FNIP2: variants seen among roughly 807,000 people sequenced by gnomAD.
FNIP2 encodes the protein folliculin-interacting protein 2.
In FNIP2, 32 loss-of-function variants were observed where a neutral mutation model predicts 108.7. The observed-to-expected ratio is 0.29, with a 90% CI of 0.22 to 0.40. The LOEUF (loss-of-function observed/expected upper bound fraction) is 0.40. FNIP2 is among the 10% of genes least tolerant of loss of function. FNIP2 has a pLI of 1.00. For synonymous variants in FNIP2, 480 were observed against 496.7 expected, an observed-to-expected ratio of 0.97 and a Z score of 0.45; for missense variants, 1,202 against 1,381.6, an observed-to-expected ratio of 0.87 and a Z score of 2.06.
chr4:158,840,382 A>G (rs1779056281), intron 7 of FNIP2, among the ~76,000 whole-genome samples: 1 of 152,030 alleles, frequency 6.6e-6, no homozygotes, highest in South Asian at 2.1e-4. Context: ...AGTAGAAGCT[A>G]AAATTTGTTT....
At chr4:158,816,334 A>G (rs1578857041) in intron 1 of FNIP2, among the ~76,000 whole-genome samples, 3 of 152,272 alleles carry the variant, frequency 2.0e-5, no homozygotes, top group Admixed American at 2.0e-4. Context: ...TCCGTTGTCT[A>G]TTATTAGTAT....
chr4:158,898,013 T>C (rs913607281), intron 16 of FNIP2, among the ~76,000 whole-genome samples: 1 of 152,238 alleles, frequency 6.6e-6, no homozygotes, highest in African/African-American at 2.4e-5. Context: ...TTAATTTTTG[T>C]AAAAGGTGTA....
At chr4:158,876,064 T>C (rs941803971) in intron 14 of FNIP2, among the ~76,000 whole-genome samples, 6 of 152,232 alleles carry the variant, frequency 3.9e-5, no homozygotes, top group African/African-American at 1.4e-4. Context: ...CATATAAGCA[T>C]GTATGCCAGG....
At chr4:158,858,668 A>G (rs142307189) in intron 8 of FNIP2, among the ~76,000 whole-genome samples, 4 of 152,322 alleles carry the variant, frequency 2.6e-5, no homozygotes, top group East Asian at 3.9e-4. Flanking sequence ...CTCTTGTTCA[A>G]TAGAATACCA....
At chr4:158,831,284 G>T (rs1055372543) in intron 3 of FNIP2, among the ~76,000 whole-genome samples, 1 of 152,180 alleles carries the variant, frequency 6.6e-6, no homozygotes, top group Non-Finnish European at 1.5e-5. Context: ...GAGGCAGGCA[G>T]TCCACTCTTT....
intron 1 of FNIP2, among the ~76,000 whole-genome samples, chr4:158,803,107 A>T (rs1776815796): frequency 1.3e-5 from 2 of 152,308 alleles, no homozygotes; most frequent in South Asian, 4.1e-4. Context: ...GTTCCAGTCA[A>T]CAACCTATTG....
chr4:158,875,422 C>A (rs1781212211), intron 14 of FNIP2, among the ~76,000 whole-genome samples: 1 of 150,790 alleles, frequency 6.6e-6, no homozygotes, highest in African/African-American at 2.5e-5. Context: ...CAGCCTCTTC[C>A]ATTTAATTTT....
intron 7 of FNIP2, among the ~76,000 whole-genome samples, chr4:158,847,238 G>A (rs567921101): frequency 2.2e-4 from 34 of 152,298 alleles, no homozygotes; most frequent in African/African-American, 8.2e-4. Context: ...AGTGGACTTG[G>A]GGTGCACACA....
chr4:158,869,912 G>A (rs1029337222), intron 13 of FNIP2, among the ~76,000 whole-genome samples: 2 of 152,226 alleles, frequency 1.3e-5, no homozygotes, highest in Non-Finnish European at 2.9e-5. Flanking sequence ...GGTCTGTAAT[G>A]ACTGAAAGCA....
intron 8 of FNIP2, among the ~76,000 whole-genome samples, chr4:158,853,709 A>G (rs554941067): frequency 9.2e-4 from 140 of 152,370 alleles, no homozygotes; most frequent in Non-Finnish European, 1.6e-3. Flanking sequence ...TGTAAATTTT[A>G]GTACATCTGG....
At chr4:158,836,723 C>T (rs929734016) in intron 7 of FNIP2, 2 of 142,476 alleles carry the variant, frequency 1.4e-5, no homozygotes, top group African/African-American at 2.6e-5. Context: ...GGCTGAGGCA[C>T]GAGAATCATT....
intron 8 of FNIP2, among the ~76,000 whole-genome samples, chr4:158,857,696 A>G (rs1578923878): frequency 6.6e-6 from 1 of 151,934 alleles, no homozygotes; most frequent in East Asian, 1.9e-4. Context: ...TAATCCCAGC[A>G]CTTTGGGACA....
At chr4:158,847,482 A>T (rs957739433) in intron 7 of FNIP2, among the ~76,000 whole-genome samples, 3 of 152,136 alleles carry the variant, frequency 2.0e-5, no homozygotes, top group Non-Finnish European at 4.4e-5. Flanking sequence ...ACATTTTCAG[A>T]CACAGCCTGG....
At chr4:158,801,261 C>A in intron 1 of FNIP2, among the ~76,000 whole-genome samples, 1 of 152,006 alleles carries the variant, frequency 6.6e-6, no homozygotes, top group African/African-American at 2.4e-5. Context: ...GTGAGTAGGG[C>A]AGGGTTCATG....
chr4:158,889,945 C>T (rs2017618), intron 14 of FNIP2: 5 of 985,160 alleles, frequency 5.1e-6, no homozygotes, highest in Non-Finnish European at 6.0e-6. Context: ...CTTTAGTTGT[C>T]CGTTTTGGAG....
chr4:158,855,479 C>T (rs1038108774), intron 8 of FNIP2, among the ~76,000 whole-genome samples: 1 of 152,000 alleles, frequency 6.6e-6, no homozygotes, highest in African/African-American at 2.4e-5. Context: ...ACGGGAATCT[C>T]ACTCTGTCAC....
intron 7 of FNIP2, 69 bp downstream of exon 7, chr4:158,835,545 A>G (rs1179709453): frequency 2.9e-6 from 4 of 1,386,792 alleles, no homozygotes; most frequent in African/African-American, 1.4e-5. Context: ...AAGGTGGGAA[A>G]GTAGAAGACA....
chr4:158,788,988 A>G (rs973000291), intron 1 of FNIP2, among the ~76,000 whole-genome samples: 2 of 152,242 alleles, frequency 1.3e-5, no homozygotes, highest in Admixed American at 1.3e-4. Flanking sequence ...GACTAAAAGT[A>G]ATGAGAGTCC....
intron 2 of FNIP2, among the ~76,000 whole-genome samples, chr4:158,826,300 A>G (rs1778154670): frequency 6.6e-6 from 1 of 152,244 alleles, no homozygotes. Context: ...TATTAATAGT[A>G]CTAGAGGTAA....
Sources: allele counts gnomAD v4.1 joint callset (sites outside exome capture counted in the v4.1 genomes callset), GRCh38; gene constraint gnomAD v4.1.1; transcripts MANE v1.5; gene names NCBI Gene and HGNC (gene_info 2026-07-23, HGNC 2026-07-21).